Variants in CFAP299 observed in about 807,000 individuals in gnomAD.
CFAP299 encodes cilia and flagella associated protein 299, also known as cilia- and flagella-associated protein 299.
Under a neutral mutation model 27.0 loss-of-function variants are expected in CFAP299, and 21 were observed. That is an observed-to-expected ratio of 0.78 (90% CI 0.55 to 1.12). CFAP299 has a LOEUF of 1.12. Ranked by LOEUF, CFAP299 falls within the 50% of genes most tolerant of loss-of-function variation. CFAP299 has a pLI of 0.00. For synonymous variants in CFAP299, 104 were observed against 98.1 expected (o/e 1.06, Z -0.36); for missense variants, 310 against 276.6 (o/e 1.12, Z -0.86).
chr4:80,726,844 C>T (rs1378948712), intron 3 of CFAP299, among the ~76,000 whole-genome samples: 1 of 152,078 alleles, frequency 6.6e-6, no homozygotes, highest in Non-Finnish European at 1.5e-5. Flanking sequence ...CCACAACACC[C>T]ATGAGATATT....
At chr4:80,695,970 A>C (rs1213527037) in intron 3 of CFAP299, among the ~76,000 whole-genome samples, 1 of 152,076 alleles carries the variant, frequency 6.6e-6, no homozygotes, top group East Asian at 1.9e-4. Context: ...ATACTATACT[A>C]TCTTGGGGAT....
At chr4:80,907,980 A>G (rs1416120741) in intron 4 of CFAP299, among the ~76,000 whole-genome samples, 1 of 152,178 alleles carries the variant, frequency 6.6e-6, no homozygotes, top group African/African-American at 2.4e-5. Flanking sequence ...TTAGTTTCAC[A>G]CTGGCTTTGC....
chr4:80,580,750 A>G (rs545717771), intron 2 of CFAP299, among the ~76,000 whole-genome samples: 2 of 152,126 alleles, frequency 1.3e-5, no homozygotes, highest in East Asian at 1.9e-4. Context: ...AAAAATTCCT[A>G]GACAGGATTG....
intron 4 of CFAP299, among the ~76,000 whole-genome samples, chr4:80,919,277 A>C (rs1393334104): frequency 1.3e-5 from 2 of 152,198 alleles, no homozygotes; most frequent in Admixed American, 1.3e-4. Flanking sequence ...ACAATGTATT[A>C]TGTCAGTATT....
chr4:80,477,865 C>G (rs1730357746), intron 2 of CFAP299, among the ~76,000 whole-genome samples: 1 of 152,112 alleles, frequency 6.6e-6, no homozygotes, highest in Non-Finnish European at 1.5e-5. Flanking sequence ...CCTGGAAAAC[C>G]CCAGCTCTTT....
chr4:80,754,887 GT>G (rs5859736), intron 3 of CFAP299, among the ~76,000 whole-genome samples: 1 of 152,098 alleles, frequency 6.6e-6, no homozygotes, highest in African/African-American at 2.4e-5. Context: ...TCTCCAGTGA[GT>G]TCAGGAAAAG....
chr4:80,331,743 T>C (rs775066298), upstream of CFAP299, among the ~76,000 whole-genome samples: 2 of 152,216 alleles, frequency 1.3e-5, no homozygotes, highest in Non-Finnish European at 2.9e-5. Flanking sequence ...ATACATGTTA[T>C]ACATCCAGTG....
chr4:80,730,528 TAAA>T lies in CFAP299; in HGVS notation c.334-139454_334-139452del, dbSNP rs35014674. Reference sequence around the variant, plus strand: ...GCACAGTGGCTACCAGCTAAGCTGATAAAAAAAAAAAAAGTTTCATTCAAAACA... The same window carrying T: ...GCACAGTGGCTACCAGCTAAGCTGATAAAAAAAAAAGTTTCATTCAAAACA... On this transcript the variant is annotated intron_variant, in intron 3 of 5. Coordinates refer to ENST00000358105, the MANE Select transcript of CFAP299 (RefSeq NM_152770.3). Among the ~76,000 whole-genome samples the T allele has an allele frequency of 1.1e-4, 15 of 141,268 alleles. No individual in the cohort carries two copies. In the South Asian group the frequency reaches 3.4e-3, roughly 32 times the overall value. The allele number at this position is 141,268 out of a possible 152,430, so 92.7% of individuals were successfully genotyped here. A position where few individuals can be genotyped will look rare whatever the true frequency, so the allele number is the denominator to read the frequency against.
At chr4:80,664,293 C>G (rs977089074) in intron 3 of CFAP299, among the ~76,000 whole-genome samples, 2 of 152,144 alleles carry the variant, frequency 1.3e-5, no homozygotes, top group Admixed American at 6.5e-5. Context: ...TTGCTCTCTT[C>G]AGATCCAGCA....
chr4:80,444,877 C>T (rs990623933), intron 2 of CFAP299, among the ~76,000 whole-genome samples: 9 of 152,082 alleles, frequency 5.9e-5, no homozygotes, highest in East Asian at 1.9e-4. Flanking sequence ...TATAAACAGA[C>T]GCTTCTCAAA....
intron 2 of CFAP299, among the ~76,000 whole-genome samples, chr4:80,464,911 GAT>G (rs1729631234): frequency 6.6e-6 from 1 of 151,918 alleles, no homozygotes; most frequent in African/African-American, 2.4e-5. Context: ...ACTCTGACAG[GAT>G]TTTTCTCCTC....
In CFAP299 at chr4:80,628,189, G is replaced by A. The variant is rs374095005; in HGVS notation, c.333+45006G>A. ...ACAGAAATAAATCCATGCATTTACA[G>A]CTGGCTGATTTTTGACAGCGGTGTC... On this transcript the variant is annotated intron_variant, in intron 3 of 5. Transcript: ENST00000358105. Among the ~76,000 whole-genome samples, 10 of 152,152 alleles carry A rather than the reference G, an allele frequency of 6.6e-5. 1 individual carries two copies. The highest frequency in any genetic ancestry group is 2.4e-4 in the African/African-American group (10 of 41,550).
intron 2 of CFAP299, among the ~76,000 whole-genome samples, chr4:80,440,717 T>C (rs569614826): frequency 1.3e-5 from 2 of 152,284 alleles, no homozygotes; most frequent in East Asian, 3.9e-4. Flanking sequence ...ATTTGATGAA[T>C]AGACAGAAGT....
At chr4:80,572,218 A>T (rs1735615605) in intron 2 of CFAP299, among the ~76,000 whole-genome samples, 2 of 152,016 alleles carry the variant, frequency 1.3e-5, no homozygotes, top group African/African-American at 4.8e-5. Flanking sequence ...TAAATGTACG[A>T]TAAAGTACTG....
chr4:80,833,767 T>A (rs1037748642), intron 3 of CFAP299, among the ~76,000 whole-genome samples: 4 of 152,232 alleles, frequency 2.6e-5, no homozygotes, highest in Non-Finnish European at 2.9e-5. Flanking sequence ...ATGCCTATTC[T>A]ATAGAAGGAA....
At position 80,583,058 on chromosome 4, in the gene CFAP299, CTAATATATTATAACTGAAGAT is replaced by C. The variant is rs746117164; in HGVS notation, c.243-34_243-14del. The C allele has an allele frequency of 2.2e-6, 3 of 1,375,652 alleles. No homozygotes were observed. Among genetic ancestry groups the C allele is most frequent in the Non-Finnish European group, 3.0e-6 (3 of 984,956 alleles). 85.2% of individuals were successfully genotyped at this position (1,375,652 alleles called of 1,614,324 possible). On this transcript the variant is annotated splice_polypyrimidine_tract_variant and intron_variant, in intron 2 of 5. Transcript: ENST00000358105. ...AGAGTGTTGGAAACATATTTGTTATCTAATATATTATAACTGAAGATCTGCCTTTTACAGGACGCTAACAAG... is the reference window on the plus strand; with the variant it reads ...AGAGTGTTGGAAACATATTTGTTATCCTGCCTTTTACAGGACGCTAACAAG...
intron 2 of CFAP299, among the ~76,000 whole-genome samples, chr4:80,484,849 G>A (rs551526651): frequency 6.6e-6 from 1 of 152,086 alleles, no homozygotes; most frequent in Non-Finnish European, 1.5e-5. Flanking sequence ...TTTCCTGTGT[G>A]TCCTATGTGA....
At chr4:80,719,619 T>C (rs1453167003) in intron 3 of CFAP299, among the ~76,000 whole-genome samples, 1 of 152,240 alleles carries the variant, frequency 6.6e-6, no homozygotes, top group African/African-American at 2.4e-5. Flanking sequence ...ATAAACTGCA[T>C]GCTCTTTGTA....
intron 3 of CFAP299, among the ~76,000 whole-genome samples, chr4:80,810,351 G>GAC (rs70956066): frequency 0.063 from 9,331 of 147,698 alleles, 422 homozygotes; most frequent in East Asian, 0.22. Flanking sequence ...CCCAACCCCT[G>GAC]ACACACACAC....
Sources: gnomAD v4.1 joint callset for allele counts (sites outside exome capture counted in the v4.1 genomes callset) on GRCh38, gnomAD v4.1.1 for gene constraint, MANE v1.5 for transcripts, NCBI Gene and HGNC (gene_info 2026-07-23, HGNC 2026-07-21) for gene names.